The following FUT8 variants were observed in gnomAD, a reference collection of about 807,000 sequenced individuals.
FUT8 encodes the protein alpha-(1,6)-fucosyltransferase.
Under a neutral mutation model 71.3 loss-of-function variants are expected in FUT8, and 29 were observed. That is an observed-to-expected ratio of 0.41 (90% confidence interval 0.30 to 0.55). The LOEUF is 0.55. FUT8 is among the 20% of genes least tolerant of loss of function. The probability of loss-of-function intolerance (pLI) is 0.34; values close to 1 mark genes in which losing one functional copy is unlikely to be tolerated. For missense variants in FUT8, 544 were observed against 702.1 expected, an observed-to-expected ratio of 0.77 and a Z score of 2.55; for synonymous variants, 254 against 239.3, an observed-to-expected ratio of 1.06 and a Z score of -0.57.
At chr14:65,539,705 G>A (rs1884562548) in intron 2 of FUT8, among the ~76,000 whole-genome samples, 1 of 152,128 alleles carries the variant, frequency 6.6e-6, no homozygotes, top group African/African-American at 2.4e-5. Context: ...GTTGTTGTGA[G>A]GCCTGAATGA....
chr14:65,372,640 C>A, the FUT8 span, among the ~76,000 whole-genome samples: 1 of 152,228 alleles, frequency 6.6e-6, no homozygotes, highest in East Asian at 1.9e-4. Flanking sequence ...TGGTTTCGAA[C>A]TCCTGAGCTG....
chr14:65,427,201 A>T (rs554207667), intron 1 of FUT8, among the ~76,000 whole-genome samples: 124 of 152,112 alleles, frequency 8.2e-4, no homozygotes, highest in Non-Finnish European at 1.5e-3. Context: ...CCATTGGTGG[A>T]CGCTTACGTT....
intron 2 of FUT8, among the ~76,000 whole-genome samples, chr14:65,533,000 G>A (rs1319983557): frequency 6.6e-6 from 1 of 151,962 alleles, no homozygotes; most frequent in East Asian, 1.9e-4. Flanking sequence ...CTGTGTGTCT[G>A]TGTTTTTTGT....
chr14:65,546,999 C>T (rs1047504878), intron 2 of FUT8, among the ~76,000 whole-genome samples: 2 of 151,614 alleles, frequency 1.3e-5, no homozygotes, highest in South Asian at 2.1e-4. Context: ...GGTATGACTT[C>T]GTATTTATTG....
intron 10 of FUT8, among the ~76,000 whole-genome samples, chr14:65,737,871 C>G (rs2268965): frequency 6.6e-6 from 1 of 152,028 alleles, no homozygotes; most frequent in Non-Finnish European, 1.5e-5. Context: ...TTCTACTCCC[C>G]TTATTACACT....
rs1566851228 is a variant in FUT8, at chr14:65,611,259, A to ACCC, written c.204-4718_204-4717insCCC. ...CACACACACACACACACACACACAC[A>ACCC]CACACACACACACACACACACACAC... On this transcript the variant is annotated intron_variant, in intron 3 of 10. Transcript: ENST00000673929. Among the ~76,000 whole-genome samples the ACCC allele has an allele frequency of 1.4e-4, 10 of 69,816 alleles. 1 individual carries two copies. The highest frequency in any genetic ancestry group is 1.1e-3 in the African/African-American group (10 of 9,278). 45.8% of individuals were successfully genotyped at this position (69,816 alleles called of 152,430 possible). A position where few individuals can be genotyped will look rare whatever the true frequency, so the allele number is the denominator to read the frequency against.
At chr14:65,547,348 C>A (rs1327549224) in intron 2 of FUT8, among the ~76,000 whole-genome samples, 2 of 151,504 alleles carry the variant, frequency 1.3e-5, no homozygotes, top group Non-Finnish European at 3.0e-5. Flanking sequence ...CAGTGTCCTT[C>A]CTTTTTTCTG....
At position 65,561,510 on chromosome 14, in the gene FUT8, G is replaced by A; in HGVS notation, c.-54G>A. 6 of 1,544,562 alleles carry A rather than the reference G, an allele frequency of 3.9e-6. No homozygotes were observed. The highest frequency in any genetic ancestry group is 1.1e-5 in the South Asian group (1 of 88,800). ...CACTAACTAGAAACAGAGTTACAAT[G>A]TTTTCAATTCTTTGAGCTCCAGGAC... On this transcript the variant is annotated 5_prime_UTR_variant, in exon 3 of 11. It removes an upstream start codon present in the reference 5' UTR. Transcript: ENST00000673929.
At chr14:65,613,616 C>T (rs1889123163) in intron 3 of FUT8, among the ~76,000 whole-genome samples, 1 of 152,130 alleles carries the variant, frequency 6.6e-6, no homozygotes, top group Non-Finnish European at 1.5e-5. Flanking sequence ...ACTTTTTATG[C>T]TCCTGTTCAA....
At chr14:65,671,543 T>C (rs1337255175) in intron 7 of FUT8, among the ~76,000 whole-genome samples, 1 of 152,176 alleles carries the variant, frequency 6.6e-6, no homozygotes, top group Non-Finnish European at 1.5e-5. Flanking sequence ...ATACCCCCAG[T>C]CTAAGTCCTT....
rs763886677 is a variant in FUT8, at chr14:65,616,024, C to T, written c.250C>T (p.Arg84Cys). 23 of 1,613,832 alleles carry T rather than the reference C, an allele frequency of 1.4e-5. No homozygotes were observed. Among genetic ancestry groups the T allele is most frequent in the Non-Finnish European group, 1.4e-5 (16 of 1,179,902 alleles). Residue 84 changes from arginine (R) to cysteine (C), a missense_variant, in exon 4 of 11, where the codon CGC becomes TGC. Arg to Cys is a radical substitution (Grantham distance 180, BLOSUM62 -3). Transcript: ENST00000673929. ...TCAGGGGCCAGCTATAGGAAGAGTA[C>T]GCGTTTTAGAAGAGCAGCTTGTTAA... is the stretch of plus-strand genomic sequence containing the variant. ...IDQGPAIGRV[R>C]VLEEQLVKAK...
At chr14:65,718,587 G>T (rs1256275969) in intron 7 of FUT8, among the ~76,000 whole-genome samples, 2 of 151,972 alleles carry the variant, frequency 1.3e-5, no homozygotes, top group Admixed American at 6.6e-5. Context: ...TTTTTTAATT[G>T]CCCATTAACA....
chr14:65,654,181 T>A (rs540750197), intron 6 of FUT8, among the ~76,000 whole-genome samples: 1 of 152,006 alleles, frequency 6.6e-6, no homozygotes, highest in East Asian at 1.9e-4. Context: ...GTGGGGAGAG[T>A]AAAGGAACCT....
chr14:65,425,169 CTTT>C (rs869280083), intron 1 of FUT8, among the ~76,000 whole-genome samples: 1 of 143,736 alleles, frequency 7.0e-6, no homozygotes. Context: ...AATGGAGTTT[CTTT>C]TTTTTTTTTT....
At chr14:65,385,341 C>T in the FUT8 span, among the ~76,000 whole-genome samples, 1 of 129,730 alleles carries the variant, frequency 7.7e-6, no homozygotes, top group Non-Finnish European at 1.6e-5. Flanking sequence ...TTTTTGTATG[C>T]ACTATGCTTA....
intron 3 of FUT8, among the ~76,000 whole-genome samples, chr14:65,580,984 A>G (rs928720922): frequency 4.6e-5 from 7 of 152,096 alleles, no homozygotes; most frequent in African/African-American, 1.4e-4. Flanking sequence ...ATTTCTAGGT[A>G]TTTCACATAA....
chr14:65,727,683 G>C (rs993845354), intron 9 of FUT8, among the ~76,000 whole-genome samples: 3 of 152,112 alleles, frequency 2.0e-5, no homozygotes, highest in Non-Finnish European at 4.4e-5. Context: ...CATTGTATTG[G>C]TGATTAACAC....
Position 65,495,508 on chromosome 14 carries a change from G to T in FUT8, c.-228+39790G>T, listed in dbSNP as rs76197979. 5.8e-3 allele frequency among the ~76,000 whole-genome samples: 877 copies of T among 152,166 alleles called. 34 individuals carry two copies. In the East Asian group the frequency reaches 0.093, roughly 16 times the overall value. On this transcript the variant is annotated intron_variant, in intron 2 of 10. Transcript: ENST00000673929. The stretch of plus-strand genomic sequence containing the variant: ...TGTTCCTCCGGGGTATGGTCCATTT[G>T]TATATTGCTCTTTATCTGTGTATCA...
intron 3 of FUT8, among the ~76,000 whole-genome samples, chr14:65,566,724 T>C (rs190559690): frequency 2.0e-5 from 3 of 152,090 alleles, no homozygotes; most frequent in Admixed American, 1.3e-4. Flanking sequence ...TCAACATGCC[T>C]GTATTTAGAG....
Sources: allele counts gnomAD v4.1 joint callset (sites outside exome capture counted in the v4.1 genomes callset), GRCh38; gene constraint gnomAD v4.1.1; transcripts MANE v1.5; gene names NCBI Gene and HGNC (gene_info 2026-07-23, HGNC 2026-07-21).